The following KLF12 variants were observed in gnomAD, a reference collection of about 807,000 sequenced individuals.
KLF12 encodes KLF transcription factor 12.
A neutral mutation model predicts 37.8 loss-of-function variants in KLF12; 9 were observed. The ratio of observed to expected loss-of-function variants is 0.24; its 90% CI spans 0.14 to 0.42. The LOEUF (loss-of-function observed/expected upper bound fraction) is 0.42, where lower values mean the gene tolerates loss of function less well. Among genes scored for constraint, KLF12 ranks in the 10% least tolerant of loss-of-function variants. The pLI is 1.00. For synonymous variants in KLF12, 208 were observed against 202.1 expected (o/e 1.03, Z -0.25); for missense variants, 411 against 516.0 (o/e 0.80, Z 1.97).
chr13:73,989,604 C>T (rs1280420171), intron 2 of KLF12, among the ~76,000 whole-genome samples: 3 of 152,214 alleles, frequency 2.0e-5, no homozygotes, highest in African/African-American at 4.8e-5. Context: ...GAAATGACAC[C>T]CTTATTTACA....
At chr13:74,249,903 G>A in the KLF12 span, among the ~76,000 whole-genome samples, 1 of 152,204 alleles carries the variant, frequency 6.6e-6, no homozygotes, top group Non-Finnish European at 1.5e-5. Flanking sequence ...GGTGGGAACT[G>A]TGCCCTTGTG....
At chr13:73,939,648 T>C (rs1468810903) in intron 3 of KLF12, among the ~76,000 whole-genome samples, 1 of 152,104 alleles carries the variant, frequency 6.6e-6, no homozygotes, top group Non-Finnish European at 1.5e-5. Context: ...TTTTCTCCTG[T>C]TTTTCTTCAA....
At chr13:74,222,324 T>C in the KLF12 span, among the ~76,000 whole-genome samples, 2 of 152,192 alleles carry the variant, frequency 1.3e-5, no homozygotes, top group Admixed American at 6.5e-5. Flanking sequence ...GTTTGAAAAA[T>C]AGTTTATGGT....
chr13:73,791,175 T>A (rs972259547), intron 5 of KLF12, among the ~76,000 whole-genome samples: 1 of 152,260 alleles, frequency 6.6e-6, no homozygotes, highest in Non-Finnish European at 1.5e-5. Context: ...AATTAAAGTA[T>A]ATGTAATTCA....
chr13:74,218,960 GAGTT>G, the KLF12 span, among the ~76,000 whole-genome samples: 8,237 of 88,570 alleles, frequency 0.093, 265 homozygotes, highest in Middle Eastern at 0.12. Flanking sequence ...ATAAAAATAA[GAGTT>G]TTTTTTTTTT....
chr13:74,210,708 T>C, the KLF12 span, among the ~76,000 whole-genome samples: 20 of 152,116 alleles, frequency 1.3e-4, no homozygotes, highest in East Asian at 3.5e-3. Flanking sequence ...CCATTTTTCA[T>C]GGTTTAAAAT....
the KLF12 span, among the ~76,000 whole-genome samples, chr13:74,256,663 A>G: frequency 1.1e-4 from 17 of 148,874 alleles, no homozygotes; most frequent in Non-Finnish European, 2.2e-4. Flanking sequence ...CTTTTCTTTT[A>G]TTAGTGGAAA....
At chr13:73,966,791 C>G (rs112201597) in intron 2 of KLF12, among the ~76,000 whole-genome samples, 185 of 152,272 alleles carry the variant, frequency 1.2e-3, no homozygotes, top group African/African-American at 3.8e-3. Context: ...CGGCACTTTA[C>G]TCAGGAAACA....
At chr13:74,059,725 G>C (rs1873462533) in intron 1 of KLF12, among the ~76,000 whole-genome samples, 1 of 152,126 alleles carries the variant, frequency 6.6e-6, no homozygotes, top group Non-Finnish European at 1.5e-5. Flanking sequence ...CCATTCTGTA[G>C]ATTGCCTGTT....
chr13:73,802,774 T>A (rs1044305747), intron 5 of KLF12, among the ~76,000 whole-genome samples: 1 of 152,160 alleles, frequency 6.6e-6, no homozygotes, highest in South Asian at 2.1e-4. Context: ...TCCAGCTGCA[T>A]CCACGTTGCT....
chr13:73,782,733 C>CTTTCTT (rs1881043083), intron 5 of KLF12, among the ~76,000 whole-genome samples: 1 of 152,146 alleles, frequency 6.6e-6, no homozygotes, highest in Admixed American at 6.5e-5. Context: ...TGCCAAGTGA[C>CTTTCTT]TTTAGTTTCT....
chr13:73,765,678 C>T (rs536693262), intron 5 of KLF12, among the ~76,000 whole-genome samples: 34 of 152,222 alleles, frequency 2.2e-4, no homozygotes, highest in Non-Finnish European at 4.0e-4. Flanking sequence ...TTAAAGCTTC[C>T]GGGAACTGCT....
the KLF12 span, among the ~76,000 whole-genome samples, chr13:74,270,359 C>T: frequency 6.6e-6 from 1 of 152,150 alleles, no homozygotes; most frequent in Non-Finnish European, 1.5e-5. Context: ...TCCTAACCTC[C>T]AGTGAGGTAA....
the KLF12 span, chr13:74,256,906 ATCT>A: frequency 1.2e-3 from 182 of 152,244 alleles, 1 homozygote; most frequent in African/African-American, 4.3e-3. Context: ...TTGCTGATTA[ATCT>A]TCTACTTTTT....
At chr13:74,279,538 A>G in the KLF12 span, among the ~76,000 whole-genome samples, 2 of 147,838 alleles carry the variant, frequency 1.4e-5, no homozygotes, top group East Asian at 2.0e-4. Context: ...TTTTTTAGTC[A>G]TAAGTGCTCT....
rs1229146663 is a variant in KLF12 at position 73,748,399 on chromosome 13, T to C, written c.869+16539A>G. On this transcript the variant is annotated intron_variant, in intron 6 of 7. Transcript: ENST00000377669. ...GTTGAAGCCATAATCCTCAATGCAA[T>C]GGTATCTGGAGATGGGGCCTTTGGG... Among the ~76,000 whole-genome samples, 3 of 152,306 alleles carry C rather than the reference T, an allele frequency of 2.0e-5. No homozygotes were observed. The South Asian group carries it at 6.2e-4, about 32-fold the overall frequency.
chr13:74,035,282 A>AG (rs1212797427), intron 1 of KLF12, among the ~76,000 whole-genome samples: 1 of 152,204 alleles, frequency 6.6e-6, no homozygotes, highest in Admixed American at 6.5e-5. Flanking sequence ...CTACATACAT[A>AG]GTTGTGCTGT....
intron 4 of KLF12, among the ~76,000 whole-genome samples, chr13:73,818,126 T>C (rs1883332352): frequency 6.6e-6 from 1 of 151,542 alleles, no homozygotes; most frequent in African/African-American, 2.4e-5. Context: ...CATTTAGTTA[T>C]GATGAACAAC....
the KLF12 span, among the ~76,000 whole-genome samples, chr13:74,274,469 G>A: frequency 6.6e-6 from 1 of 152,214 alleles, no homozygotes; most frequent in Admixed American, 6.5e-5. Context: ...CCAATTTTCA[G>A]AAGTGAAATT....
Sources: gnomAD v4.1 joint callset for allele counts (sites outside exome capture counted in the v4.1 genomes callset) on GRCh38, gnomAD v4.1.1 for gene constraint, MANE v1.5 for transcripts, NCBI Gene and HGNC (gene_info 2026-07-23, HGNC 2026-07-21) for gene names.